Variants in NYAP2 observed in about 807,000 individuals in gnomAD.
NYAP2 encodes neuronal tyrosine-phosphorylated phosphoinositide-3-kinase adapter 2.
NYAP2 carries 23 observed loss-of-function variants against 50.4 expected under a neutral mutation model. That is an observed-to-expected ratio of 0.46 (90% CI 0.33 to 0.65). The LOEUF (loss-of-function observed/expected upper bound fraction) is 0.65. NYAP2 is among the 30% of genes least tolerant of loss of function. The pLI, the probability that NYAP2 is intolerant of heterozygous loss-of-function variation, is 0.02. For missense variants in NYAP2, 885 were observed against 861.0 expected (o/e 1.03, Z -0.35); for synonymous variants, 394 against 365.2 (o/e 1.08, Z -0.90).
At chr2:225,673,250 G>A in the NYAP2 span, among the ~76,000 whole-genome samples, 1 of 151,964 alleles carries the variant, frequency 6.6e-6, no homozygotes, top group Non-Finnish European at 1.5e-5. Context: ...CTCCCACCAG[G>A]TCCCTCCCAC....
In NYAP2 at chr2:225,544,893, C is replaced by G. The variant is rs114469109; in HGVS notation, c.523+31221C>G. Among the ~76,000 whole-genome samples the G allele has an allele frequency of 8.8e-3, 1,342 of 152,160 alleles. 23 individuals are homozygous for G. Among genetic ancestry groups the G allele is most frequent in the African/African-American group, 0.03 (1,239 of 41,548 alleles). On this transcript the variant is annotated intron_variant, in intron 4 of 6. Coordinates refer to ENST00000636099, the Ensembl canonical transcript of NYAP2. ...CTGGTATTGGTGAAATCCCTCAGCT[C>G]TTGTTTATCAGGGAAGGTTTTTATT... is the stretch of plus-strand genomic sequence containing the variant.
intron 4 of NYAP2, among the ~76,000 whole-genome samples, chr2:225,537,143 T>A (rs555072455): frequency 9.2e-5 from 14 of 152,210 alleles, no homozygotes; most frequent in African/African-American, 3.4e-4. Context: ...AACCCCCTAC[T>A]ACCATCCCAG....
intron 3 of NYAP2, among the ~76,000 whole-genome samples, chr2:225,476,955 T>C (rs577333380): frequency 1.4e-4 from 22 of 152,306 alleles, no homozygotes; most frequent in African/African-American, 5.3e-4. Context: ...TTTTCTGAAA[T>C]TTTAACGGTT....
intron 4 of NYAP2, among the ~76,000 whole-genome samples, chr2:225,527,657 T>C (rs1429797554): frequency 6.6e-6 from 1 of 152,082 alleles, no homozygotes; most frequent in Non-Finnish European, 1.5e-5. Flanking sequence ...TTATTATTAT[T>C]ATTCTGTGAC....
rs983977107 is a variant in NYAP2, at chr2:225,490,516, A to T, written c.222-22855A>T. On this transcript the variant is annotated intron_variant, in intron 3 of 6. Coordinates refer to ENST00000636099, the Ensembl canonical transcript of NYAP2. Reference sequence around the variant, plus strand: ...TTGCAGATGTAAATATATCTGCTTGACTCTCTTTATAAATTAAATTTTATA... The same window carrying T: ...TTGCAGATGTAAATATATCTGCTTGTCTCTCTTTATAAATTAAATTTTATA... Among the ~76,000 whole-genome samples, 4 of 152,142 alleles carry T rather than the reference A, an allele frequency of 2.6e-5. No individual in the cohort carries two copies. The East Asian group carries it at 5.8e-4, about 22-fold the overall frequency.
At position 225,485,166 on chromosome 2, in the gene NYAP2, C is replaced by G. The variant is rs553530528; in HGVS notation, c.222-28205C>G. Among the ~76,000 whole-genome samples the G allele has an allele frequency of 2.6e-5, 4 of 152,260 alleles. No homozygotes were observed. The South Asian group carries it at 6.2e-4, about 24-fold the overall frequency. On this transcript the variant is annotated intron_variant, in intron 3 of 6. Transcript: ENST00000636099. ...GGTGGTTTCCCCCATACTGTTCTCT[C>G]GTGATAGTGAGTCTCTGATGGTTTT...
chr2:225,442,857 G>A (rs886258070), intron 3 of NYAP2, among the ~76,000 whole-genome samples: 6 of 152,146 alleles, frequency 3.9e-5, no homozygotes, highest in Admixed American at 2.0e-4. Flanking sequence ...GATTATGGGC[G>A]TGCGCCACCG....
At chr2:225,546,761 C>G (rs575902143) in intron 4 of NYAP2, among the ~76,000 whole-genome samples, 2 of 152,174 alleles carry the variant, frequency 1.3e-5, no homozygotes, top group South Asian at 4.2e-4. Context: ...CAGAAGGAGT[C>G]TCTCCCTGTA....
At chr2:225,421,677 AC>A (rs1421362790) in intron 3 of NYAP2, among the ~76,000 whole-genome samples, 1 of 152,088 alleles carries the variant, frequency 6.6e-6, no homozygotes, top group Non-Finnish European at 1.5e-5. Flanking sequence ...TCTAGAAAAA[AC>A]TCAAAGCTAA....
At position 225,512,802 on chromosome 2, in the gene NYAP2, C is replaced by CA. The variant is rs1559200448; in HGVS notation, c.222-569_222-568insA. ...TTTTTCCCTCTTTCCCTCCCTCCCT[C>CA]TCTTTCTTTTCTTTCTTTCTCTCTC... On this transcript the variant is annotated intron_variant, in intron 3 of 6. Transcript: ENST00000636099. Among the ~76,000 whole-genome samples, 43 of 109,594 alleles carry CA rather than the reference C, an allele frequency of 3.9e-4. 1 individual carries two copies. Among genetic ancestry groups the CA allele is most frequent in the African/African-American group, 1.7e-3 (42 of 25,302 alleles). The allele number at this position is 109,594 out of a possible 152,430, so 71.9% of individuals were successfully genotyped here.
chr2:225,620,951 T>C (rs1424249350), intron 5 of NYAP2, among the ~76,000 whole-genome samples: 1 of 151,808 alleles, frequency 6.6e-6, no homozygotes, highest in Non-Finnish European at 1.5e-5. Flanking sequence ...CCATCTCTAC[T>C]GAAAATACAA....
intron 5 of NYAP2, among the ~76,000 whole-genome samples, chr2:225,585,153 A>G (rs972081854): frequency 6.6e-6 from 1 of 152,274 alleles, no homozygotes; most frequent in Non-Finnish European, 1.5e-5. Flanking sequence ...CAGATAATTC[A>G]TTGATTGATT....
At position 225,521,639 on chromosome 2, in the gene NYAP2, G is replaced by A. The variant is rs1574656836; in HGVS notation, c.523+7967G>A. ...GGGATGAAGCCCACTTGATCATGGT[G>A]GATAAGCTTTTTGATGTGCTGCTGG... On this transcript the variant is annotated intron_variant, in intron 4 of 6. Coordinates refer to ENST00000636099, the Ensembl canonical transcript of NYAP2. Among the ~76,000 whole-genome samples the A allele has an allele frequency of 3.3e-5, 5 of 151,604 alleles. No homozygotes were observed. The East Asian group carries it at 9.7e-4, about 29-fold the overall frequency.
At chr2:225,626,376 A>T (rs571936395) in intron 5 of NYAP2, among the ~76,000 whole-genome samples, 10 of 152,294 alleles carry the variant, frequency 6.6e-5, no homozygotes, top group African/African-American at 2.4e-4. Flanking sequence ...GGAGGATGAG[A>T]TGATATAAAT....
intron 5 of NYAP2, among the ~76,000 whole-genome samples, chr2:225,598,695 A>G (rs1319120488): frequency 6.6e-6 from 1 of 152,244 alleles, no homozygotes; most frequent in African/African-American, 2.4e-5. Flanking sequence ...AATGCATGAT[A>G]AGTGACTATC....
intron 5 of NYAP2, among the ~76,000 whole-genome samples, chr2:225,584,447 T>G (rs1692355380): frequency 6.6e-6 from 1 of 152,228 alleles, no homozygotes; most frequent in Non-Finnish European, 1.5e-5. Context: ...GATTAGTTTT[T>G]TCTATGTCCA....
At chr2:225,429,925 G>A (rs1695341463) in intron 3 of NYAP2, among the ~76,000 whole-genome samples, 1 of 152,144 alleles carries the variant, frequency 6.6e-6, no homozygotes, top group African/African-American at 2.4e-5. Flanking sequence ...GAGCTTCACG[G>A]GCTCTTAAGC....
At chr2:225,405,676 G>T (rs969105734) in intron 2 of NYAP2, among the ~76,000 whole-genome samples, 1 of 151,948 alleles carries the variant, frequency 6.6e-6, no homozygotes, top group Non-Finnish European at 1.5e-5. Flanking sequence ...TCATAGTTCA[G>T]TTGTCTGAGA....
chr2:225,485,445 C>T (rs762869677), intron 3 of NYAP2, among the ~76,000 whole-genome samples: 1 of 152,202 alleles, frequency 6.6e-6, no homozygotes. Context: ...TTGTGCTCAT[C>T]TTCACCCAGC....
Sources: gnomAD v4.1 joint callset for allele counts (sites outside exome capture counted in the v4.1 genomes callset) on GRCh38, gnomAD v4.1.1 for gene constraint, MANE v1.5 for transcripts, NCBI Gene and HGNC (gene_info 2026-07-23, HGNC 2026-07-21) for gene names.